The following KLF16 variants were observed in gnomAD, a reference collection of about 807,000 sequenced individuals.
KLF16 encodes Krueppel-like factor 16.
A neutral mutation model predicts 6.1 loss-of-function variants in KLF16; 6 were observed. The ratio of observed to expected loss-of-function variants is 0.98; its 90% CI spans 0.54 to 1.93. The LOEUF (loss-of-function observed/expected upper bound fraction) is 1.93. Among genes scored for constraint, KLF16 ranks in the 30% most tolerant of loss-of-function variants. The pLI, the probability that KLF16 is intolerant of heterozygous loss-of-function variation, is 0.01. For synonymous variants in KLF16, 211 were observed against 176.5 expected, an observed-to-expected ratio of 1.20 and a Z score of -1.55; for missense variants, 355 against 363.8, an observed-to-expected ratio of 0.98 and a Z score of 0.20.
chr19:1,873,679 C>A, the KLF16 span, among the ~76,000 whole-genome samples: 6 of 152,256 alleles, frequency 3.9e-5, no homozygotes, highest in African/African-American at 7.2e-5. Flanking sequence ...TGGCCTGGCC[C>A]CGGGCCATAC....
At chr19:1,873,653 T>C in the KLF16 span, among the ~76,000 whole-genome samples, 1 of 151,836 alleles carries the variant, frequency 6.6e-6, no homozygotes, top group East Asian at 1.9e-4. Context: ...AACGGGAAGT[T>C]GGCCCTACTC....
At chr19:1,873,853 T>A in the KLF16 span, among the ~76,000 whole-genome samples, 2 of 152,242 alleles carry the variant, frequency 1.3e-5, no homozygotes, top group Admixed American at 1.3e-4. Context: ...GGACTCGGTT[T>A]ACCCCATGTG....
chr19:1,855,441 G>A (rs1019345319), intron 1 of KLF16, among the ~76,000 whole-genome samples: 4 of 152,082 alleles, frequency 2.6e-5, no homozygotes, highest in African/African-American at 9.7e-5. Context: ...GGGGTCTCCC[G>A]GGAAGGGGCG....
At chr19:1,870,225 C>T in the KLF16 span, among the ~76,000 whole-genome samples, 31 of 152,176 alleles carry the variant, frequency 2.0e-4, no homozygotes, top group Non-Finnish European at 3.5e-4. Context: ...CCACCACACC[C>T]GGCCAAAACT....
In KLF16 at chr19:1,858,552, AG is replaced by A. The variant is rs373772088; in HGVS notation, c.458-3793del. 1.8e-4 allele frequency among the ~76,000 whole-genome samples: 28 copies of A among 152,312 alleles called. No homozygotes were observed. In the East Asian group the frequency reaches 2.7e-3, roughly 15 times the overall value. On this transcript the variant is annotated intron_variant, in intron 1 of 1. Transcript: ENST00000250916. ...GCCCAGCACAGGCCTGGTATACAGC[AG>A]GTGCTTAATGCATATCTGTGGAAAA...
At chr19:1,860,447 G>A (rs1306284870) in intron 1 of KLF16, 2 of 152,398 alleles carry the variant, frequency 1.3e-5, no homozygotes, top group Non-Finnish European at 2.9e-5. Context: ...AATCACAGGT[G>A]GGGCTCCTCC....
At position 1,852,903 on chromosome 19, in the gene KLF16, C is replaced by T. The variant is rs953118711; in HGVS notation, c.*1556G>A. On this transcript the variant is annotated 3_prime_UTR_variant, in exon 2 of 2. Coordinates refer to ENST00000250916, the MANE Select transcript of KLF16 (RefSeq NM_031918.4). The stretch of plus-strand genomic sequence containing the variant: ...CACCCATCCCTGGATCCTGCCAGGC[C>T]GGGGCTGGGTCCAGGTGCACACCAG... 18 of 152,192 alleles carry T rather than the reference C, an allele frequency of 1.2e-4. No homozygotes were observed. Among genetic ancestry groups the T allele is most frequent in the African/African-American group, 4.3e-4 (18 of 41,402 alleles). 9.4% of individuals were successfully genotyped at this position (152,192 alleles called of 1,614,324 possible). A position where few individuals can be genotyped will look rare whatever the true frequency, so the allele number is the denominator to read the frequency against.
At chr19:1,876,470 C>T in the KLF16 span, among the ~76,000 whole-genome samples, 1 of 152,232 alleles carries the variant, frequency 6.6e-6, no homozygotes, top group Non-Finnish European at 1.5e-5. Context: ...TCGGCTCCCT[C>T]TTCCAGGGGA....
chr19:1,871,716 C>G, the KLF16 span, among the ~76,000 whole-genome samples: 1 of 152,080 alleles, frequency 6.6e-6, no homozygotes, highest in Admixed American at 6.5e-5. Flanking sequence ...GTTCCACCAG[C>G]CAGGTGGGAA....
At chr19:1,873,516 C>T in the KLF16 span, among the ~76,000 whole-genome samples, 4 of 151,842 alleles carry the variant, frequency 2.6e-5, no homozygotes, top group South Asian at 2.1e-4. Context: ...CCCAGGGCCC[C>T]GTGCTGGGGT....
chr19:1,874,676 A>T, the KLF16 span, among the ~76,000 whole-genome samples: 1 of 149,858 alleles, frequency 6.7e-6, no homozygotes, highest in East Asian at 2.0e-4. Context: ...AAGACTAATG[A>T]CAGATAGAAA....
chr19:1,854,684 G>C lies in KLF16; in HGVS notation c.534C>G (p.His178Gln). ...AGCGCTTCTCGCCCGTGTGCGTCCGGTGGTGGCGGGCCAGCTCGTCGGAGC... is the reference window on the plus strand; with the variant it reads ...AGCGCTTCTCGCCCGTGTGCGTCCGCTGGTGGCGGGCCAGCTCGTCGGAGC... ...FARSDELARH[H>Q]RTHTGEKRFS... The change falls in exon 2 of 2, where the codon CAC becomes CAG. Residue 178 changes from histidine (H) to glutamine (Q), a missense_variant. Transcript: ENST00000250916. The C allele has an allele frequency of 6.2e-7, 1 of 1,600,634 alleles. No individual in the cohort carries two copies. The highest frequency in any genetic ancestry group is 2.2e-5 in the East Asian group (1 of 44,858).
chr19:1,874,961 G>C, the KLF16 span: 5 of 152,210 alleles, frequency 3.3e-5, no homozygotes, highest in Admixed American at 1.3e-4. Flanking sequence ...AATGATCAAC[G>C]TAACATAGAT....
upstream of KLF16, among the ~76,000 whole-genome samples, chr19:1,865,089 A>G (rs1030912599): frequency 1.1e-4 from 16 of 152,196 alleles, no homozygotes; most frequent in African/African-American, 2.9e-4. Context: ...CCTGGGCTCA[A>G]CCATGCTTGG....
chr19:1,860,237 C>T (rs1007940973), intron 1 of KLF16: 7 of 152,074 alleles, frequency 4.6e-5, no homozygotes, highest in African/African-American at 1.7e-4. Flanking sequence ...ACCATAGCAA[C>T]GGCGTCAACA....
At chr19:1,876,266 T>G in the KLF16 span, 1 of 152,324 alleles carries the variant, frequency 6.6e-6, no homozygotes, top group Non-Finnish European at 1.5e-5. Context: ...CGCCCCCCCT[T>G]AAAGGGGCCG....
intron 1 of KLF16, among the ~76,000 whole-genome samples, 159 bp from the exon 2 acceptor site, chr19:1,854,919 C>T (rs891860180): frequency 2.0e-5 from 3 of 151,734 alleles, no homozygotes; most frequent in African/African-American, 2.4e-5. Context: ...ACAAAGAATA[C>T]AACCCTTACC....
At chr19:1,867,582 TTGTC>T (rs1054388532), upstream of KLF16, among the ~76,000 whole-genome samples, 1 of 151,956 alleles carries the variant, frequency 6.6e-6, no homozygotes, top group Non-Finnish European at 1.5e-5. Context: ...TAGTGATAGA[TTGTC>T]TGGGTGTGGT....
the KLF16 span, among the ~76,000 whole-genome samples, chr19:1,873,352 T>C: frequency 6.6e-6 from 1 of 152,130 alleles, no homozygotes; most frequent in East Asian, 1.9e-4. Flanking sequence ...CCTGACCCAC[T>C]GGAAGGGCCT....
Sources: gnomAD v4.1 joint callset for allele counts (sites outside exome capture counted in the v4.1 genomes callset) on GRCh38, gnomAD v4.1.1 for gene constraint, MANE v1.5 for transcripts, NCBI Gene and HGNC (gene_info 2026-07-23, HGNC 2026-07-21) for gene names.